Variants in HS6ST3 observed in about 807,000 individuals in gnomAD.
HS6ST3 encodes heparan-sulfate 6-O-sulfotransferase 3.
Under a neutral mutation model 36.7 loss-of-function variants are expected in HS6ST3, and 12 were observed. That is an observed-to-expected ratio of 0.33 (90% CI 0.21 to 0.53). The LOEUF is 0.53. Ranked by LOEUF, HS6ST3 falls within the 20% of genes least tolerant of loss-of-function variation. The probability of loss-of-function intolerance (pLI) is 0.95; values close to 1 mark genes in which losing one functional copy is unlikely to be tolerated. For missense variants in HS6ST3, 584 were observed against 640.9 expected, an observed-to-expected ratio of 0.91 and a Z score of 0.96; for synonymous variants, 240 against 257.5, an observed-to-expected ratio of 0.93 and a Z score of 0.65.
At chr13:96,270,093 C>A (rs747862747) in intron 1 of HS6ST3, among the ~76,000 whole-genome samples, 10 of 151,996 alleles carry the variant, frequency 6.6e-5, no homozygotes, top group Non-Finnish European at 1.2e-4. Context: ...ATTCCACTCC[C>A]AATTTGTCTC....
chr13:96,428,072 C>CTAT (rs758207296), intron 1 of HS6ST3, among the ~76,000 whole-genome samples: 4 of 152,060 alleles, frequency 2.6e-5, no homozygotes, highest in African/African-American at 4.8e-5. Flanking sequence ...TTTGAGGGTG[C>CTAT]TATATTAGTT....
At chr13:96,772,485 T>G (rs1199934053) in intron 1 of HS6ST3, among the ~76,000 whole-genome samples, 2 of 152,226 alleles carry the variant, frequency 1.3e-5, no homozygotes. Flanking sequence ...CAGAATATTT[T>G]AATATGAATA....
intron 1 of HS6ST3, among the ~76,000 whole-genome samples, chr13:96,475,754 C>T (rs1640041547): frequency 2.0e-5 from 3 of 152,020 alleles, no homozygotes; most frequent in African/African-American, 7.2e-5. Flanking sequence ...CAACTGAAAT[C>T]ATTCTAAGTT....
chr13:96,831,657 A>G (rs1032997494), intron 1 of HS6ST3, among the ~76,000 whole-genome samples: 9 of 152,144 alleles, frequency 5.9e-5, no homozygotes, highest in African/African-American at 2.2e-4. Context: ...TAGCAGTATA[A>G]AGAGATTAAG....
chr13:96,110,053 G>A (rs536219988), intron 1 of HS6ST3, among the ~76,000 whole-genome samples: 1 of 152,174 alleles, frequency 6.6e-6, no homozygotes, highest in Non-Finnish European at 1.5e-5. Context: ...AGTCCATTTT[G>A]TGTTGCTATA....
chr13:96,090,928 G>C lies in HS6ST3; in HGVS notation c.66G>C (p.Met22Ile). Residue 22 changes from methionine to isoleucine, a missense_variant, in exon 1 of 2, where the codon ATG becomes ATC. Coordinates refer to ENST00000376705, the MANE Select transcript of HS6ST3 (RefSeq NM_153456.4). Reference sequence around the variant, plus strand: ...TCACTCTCCTCTTCGTGGTCATCATGTACCAGTACGTGTCCCCCTCCTGCA... The same window carrying C: ...TCACTCTCCTCTTCGTGGTCATCATCTACCAGTACGTGTCCCCCTCCTGCA... ...PVLTLLFVVI[M>I]YQYVSPSCTS... 6.7e-7 allele frequency: 1 copy of C among 1,503,514 alleles called. No individual in the cohort carries two copies. 93.1% of individuals were successfully genotyped at this position (1,503,514 alleles called of 1,614,324 possible). A position where few individuals can be genotyped will look rare whatever the true frequency, so the allele number is the denominator to read the frequency against.
At chr13:96,489,639 A>T (rs2055935040) in intron 1 of HS6ST3, among the ~76,000 whole-genome samples, 2 of 152,002 alleles carry the variant, frequency 1.3e-5, no homozygotes, top group South Asian at 4.1e-4. Context: ...CGAGGCTGTA[A>T]ATGGTAAATA....
chr13:96,350,635 C>T (rs1183118941), intron 1 of HS6ST3, among the ~76,000 whole-genome samples: 1 of 152,178 alleles, frequency 6.6e-6, no homozygotes, highest in Admixed American at 6.5e-5. Flanking sequence ...AAAATTGACA[C>T]TGAACAACTG....
chr13:96,639,775 T>C (rs2056563590), intron 1 of HS6ST3, among the ~76,000 whole-genome samples: 1 of 152,000 alleles, frequency 6.6e-6, no homozygotes, highest in African/African-American at 2.4e-5. Context: ...TGTTTCACTC[T>C]CTATTATAAA....
intron 1 of HS6ST3, among the ~76,000 whole-genome samples, chr13:96,420,760 C>T (rs1197468042): frequency 6.6e-6 from 1 of 152,136 alleles, no homozygotes; most frequent in Non-Finnish European, 1.5e-5. Context: ...TACTTATAAG[C>T]ATGATTTCAT....
At chr13:96,713,528 A>C (rs1875618499) in intron 1 of HS6ST3, among the ~76,000 whole-genome samples, 1 of 152,326 alleles carries the variant, frequency 6.6e-6, no homozygotes, top group Non-Finnish European at 1.5e-5. Context: ...TCATATATGA[A>C]TTTTATTTTA....
intron 1 of HS6ST3, among the ~76,000 whole-genome samples, chr13:96,489,816 A>C (rs2055935824): frequency 6.6e-6 from 1 of 152,152 alleles, no homozygotes; most frequent in Non-Finnish European, 1.5e-5. Context: ...GTTGACATTT[A>C]GGGGAAAGAG....
intron 1 of HS6ST3, among the ~76,000 whole-genome samples, chr13:96,342,009 A>C (rs948643707): frequency 6.6e-6 from 1 of 152,126 alleles, no homozygotes; most frequent in African/African-American, 2.4e-5. Flanking sequence ...GAATGTCCTG[A>C]AATTGAACAT....
At position 96,431,883 on chromosome 13, in the gene HS6ST3, A is replaced by G. The variant is rs563019574; in HGVS notation, c.707+340314A>G. 5.9e-5 allele frequency among the ~76,000 whole-genome samples: 9 copies of G among 152,284 alleles called. No individual in the cohort carries two copies. In the South Asian group the frequency reaches 1.2e-3, roughly 21 times the overall value. On this transcript the variant is annotated intron_variant, in intron 1 of 1. Transcript: ENST00000376705. ...GTACAATCGGTTATTTGTTTTATAT[A>G]GTCATAACTCAGTGGTCTATACCTG...
chr13:96,429,972 G>T (rs1447063696), intron 1 of HS6ST3, among the ~76,000 whole-genome samples: 1 of 152,154 alleles, frequency 6.6e-6, no homozygotes, highest in Admixed American at 6.5e-5. Flanking sequence ...AACCCTGACA[G>T]AAAGGCATGA....
At chr13:96,136,945 C>T (rs1417080754) in intron 1 of HS6ST3, among the ~76,000 whole-genome samples, 1 of 152,014 alleles carries the variant, frequency 6.6e-6, no homozygotes, top group African/African-American at 2.4e-5. Context: ...TCATGCTAGA[C>T]AAAAGGTCTG....
rs542829694 is a variant in HS6ST3, at chr13:96,584,309, A to T, written c.708-248181A>T. ...CAGTCATGTGCCACCACCCCCAGCT[A>T]ATTTTTGTATTTTTAGTAGAGATGG... On this transcript the variant is annotated intron_variant, in intron 1 of 1. Transcript: ENST00000376705. 7.2e-5 allele frequency among the ~76,000 whole-genome samples: 11 copies of T among 152,034 alleles called. No homozygotes were observed. In the East Asian group the frequency reaches 1.9e-3, roughly 27 times the overall value.
chr13:96,698,727 A>G (rs1190483438), intron 1 of HS6ST3, among the ~76,000 whole-genome samples: 1 of 152,138 alleles, frequency 6.6e-6, no homozygotes, highest in African/African-American at 2.4e-5. Flanking sequence ...AGCTACCAAC[A>G]ACTTTCTTCA....
intron 1 of HS6ST3, among the ~76,000 whole-genome samples, chr13:96,312,525 CAGTT>C (rs1474863932): frequency 6.6e-6 from 1 of 152,050 alleles, no homozygotes; most frequent in African/African-American, 2.4e-5. Context: ...TCTCTGTCAT[CAGTT>C]GGTTACTGAA....
Sources: allele counts gnomAD v4.1 joint callset (sites outside exome capture counted in the v4.1 genomes callset), GRCh38; gene constraint gnomAD v4.1.1; transcripts MANE v1.5; gene names NCBI Gene and HGNC (gene_info 2026-07-23, HGNC 2026-07-21).